CTDP1: variants seen among roughly 807,000 people sequenced by gnomAD.
CTDP1 encodes the protein RNA polymerase II subunit A C-terminal domain phosphatase.
A neutral mutation model predicts 91.8 loss-of-function variants in CTDP1; 47 were observed. The ratio of observed to expected loss-of-function variants is 0.51; its 90% CI spans 0.41 to 0.65. CTDP1 has a LOEUF of 0.65. Among genes scored for constraint, CTDP1 ranks in the 30% least tolerant of loss-of-function variants. The pLI, the probability that CTDP1 is intolerant of heterozygous loss-of-function variation, is 0.00. For missense variants in CTDP1, 1,272 were observed against 1,373.7 expected, an observed-to-expected ratio of 0.93 and a Z score of 1.17; for synonymous variants, 656 against 598.5, an observed-to-expected ratio of 1.10 and a Z score of -1.40.
chr18:79,717,542 G>T lies in CTDP1; in HGVS notation c.2076G>T (p.Glu692Asp), dbSNP rs1261974465. ...CAGCCGGGTCTCCTGCAGGCACAGAGAAGGTGCTGCAGGCACAGGAGTGCG... is the reference window on the plus strand; with the variant it reads ...CAGCCGGGTCTCCTGCAGGCACAGATAAGGTGCTGCAGGCACAGGAGTGCG... Reference protein sequence around the residue: ...THLIAARAGTEKVLQAQECGH... With the variant: ...THLIAARAGTDKVLQAQECGH... Residue 692 changes from glutamate to aspartate, a missense_variant, in exon 9 of 13, where the codon GAG becomes GAT. Coordinates refer to ENST00000613122, the MANE Select transcript of CTDP1 (RefSeq NM_004715.5). The T allele has an allele frequency of 1.9e-6, 3 of 1,613,236 alleles. No individual in the cohort carries two copies. Among genetic ancestry groups the T allele is most frequent in the Non-Finnish European group, 2.5e-6 (3 of 1,179,886 alleles).
chr18:79,691,344 G>A (rs1179188067), intron 1 of CTDP1, among the ~76,000 whole-genome samples: 4 of 152,210 alleles, frequency 2.6e-5, no homozygotes, highest in Non-Finnish European at 5.9e-5. Context: ...GACCTGTGCT[G>A]GGGAAGGCAG....
In CTDP1 at chr18:79,742,203, AGAG is replaced by A. The variant is rs528648588; in HGVS notation, c.2747+5683_2747+5685del. On this transcript the variant is annotated intron_variant, in intron 12 of 12. Transcript: ENST00000613122. ...GCATGAGAGAGAGAGAGAGAGAGAGAGAGAGGCCTGGCACCAGAGGAAGCGTGA... is the reference window on the plus strand; with the variant it reads ...GCATGAGAGAGAGAGAGAGAGAGAGAAGGCCTGGCACCAGAGGAAGCGTGA... Among the ~76,000 whole-genome samples, 266 of 145,024 alleles carry A rather than the reference AGAG, an allele frequency of 1.8e-3. 5 individuals are homozygous for A. Among genetic ancestry groups the A allele is most frequent in the African/African-American group, 6.5e-3 (249 of 38,282 alleles).
At position 79,708,702 on chromosome 18, in the gene CTDP1, G is replaced by A. The variant is rs904785378; in HGVS notation, c.773-1644G>A. 4.6e-5 allele frequency among the ~76,000 whole-genome samples: 7 copies of A among 152,362 alleles called. No individual in the cohort carries two copies. The South Asian group carries it at 1.0e-3, about 23-fold the overall frequency. On this transcript the variant is annotated intron_variant, in intron 5 of 12. Transcript: ENST00000613122. Reference sequence around the variant, plus strand: ...ACTAACGGTTATGCAGGGGACCTGCGTGCCATGACAAGACCACAGTCCCAG... The same window carrying A: ...ACTAACGGTTATGCAGGGGACCTGCATGCCATGACAAGACCACAGTCCCAG...
chr18:79,737,034 T>C (rs2086684266), intron 12 of CTDP1, among the ~76,000 whole-genome samples: 2 of 152,212 alleles, frequency 1.3e-5, no homozygotes, highest in South Asian at 4.1e-4. Flanking sequence ...GTGCCTGATG[T>C]GGGTCCCCCG....
At chr18:79,729,439 G>C (rs768761827) in intron 11 of CTDP1, among the ~76,000 whole-genome samples, 6 of 152,194 alleles carry the variant, frequency 3.9e-5, no homozygotes, top group Non-Finnish European at 8.8e-5. Context: ...GGGTGACCCT[G>C]GGGCCGGTCA....
Position 79,753,669 on chromosome 18 carries a change from T to C in CTDP1, c.2765T>C (p.Leu922Pro). 6.2e-7 allele frequency: 1 copy of C among 1,614,154 alleles called. No homozygotes were observed. Among genetic ancestry groups the C allele is most frequent in the East Asian group, 2.2e-5 (1 of 44,888 alleles). The change falls in exon 13 of 13, where the codon CTG becomes CCG. Residue 922 changes from leucine to proline, a missense_variant. Leu to Pro is a moderately conservative substitution (Grantham distance 98). Transcript: ENST00000613122. ...CTCTGCAGAGGCCACAAGAGGAAGC[T>C]GAATGAAGAGGACGCCGCCAGCGAG... The part of the protein sequence containing the change: ...GRGPRGHKRK[L>P]NEEDAASESS...
downstream of CTDP1, chr18:79,755,115 A>G (rs1452779369): frequency 6.6e-6 from 1 of 152,270 alleles, no homozygotes; most frequent in Admixed American, 6.6e-5. Flanking sequence ...GGAGGGAGGC[A>G]TCCTCAGTGG....
chr18:79,753,555 T>TA (rs1458365588), intron 12 of CTDP1, 97 bp from the exon 13 acceptor site: 8 of 1,592,868 alleles, frequency 5.0e-6, no homozygotes, highest in Non-Finnish European at 6.9e-6. Context: ...CGTCTTGTGT[T>TA]AAAACCACGG....
chr18:79,694,018 C>G (rs1460082560), intron 1 of CTDP1, among the ~76,000 whole-genome samples: 1 of 152,242 alleles, frequency 6.6e-6, no homozygotes, highest in Non-Finnish European at 1.5e-5. Context: ...TCCTTGCGCC[C>G]TCTCGATGAC....
intron 4 of CTDP1, chr18:79,702,700 ATTAAG>A (rs1445493025): frequency 6.6e-6 from 1 of 152,242 alleles, no homozygotes; most frequent in African/African-American, 2.4e-5. Context: ...GTATTTTTAA[ATTAAG>A]TTAGGTACAT....
Position 79,738,124 on chromosome 18 carries a change from T to C in CTDP1, c.2747+1603T>C, listed in dbSNP as rs137888882. Among the ~76,000 whole-genome samples the C allele has an allele frequency of 9.5e-3, 1,439 of 152,074 alleles. 30 individuals carry two copies. The highest frequency in any genetic ancestry group is 0.033 in the African/African-American group (1,360 of 41,464). On this transcript the variant is annotated intron_variant, in intron 12 of 12. Coordinates refer to ENST00000613122, the MANE Select transcript of CTDP1 (RefSeq NM_004715.5). ...TGGTGGAGTACATCTCCCAGAAGCT[T>C]CCTGAGAAAGCGTCTGTCCTGTCCA...
Position 79,704,720 on chromosome 18 carries a change from G to A in CTDP1, c.622-47G>A, listed in dbSNP as rs1050332131. ...GGCACACAGGTTGCGGGGGCGGCCG[G>A]GGCTCCTCAGGCCTTTTCTCCCGAC... On this transcript the variant is annotated intron_variant, in intron 4 of 12. Coordinates refer to ENST00000613122, the MANE Select transcript of CTDP1 (RefSeq NM_004715.5). The A allele has an allele frequency of 1.6e-5, 25 of 1,610,058 alleles. No individual in the cohort carries two copies. The African/African-American group carries it at 3.2e-4, about 21-fold the overall frequency.
chr18:79,714,962 G>T lies in CTDP1; in HGVS notation c.1502G>T (p.Ser501Ile). ...PEGAGALAQG[S>I]SLEPGRPAAP... ...GGAGCCGGGGCGCTGGCACAGGGCA[G>T]TTCCCTGGAGCCGGGGCGGCCTGCA... is the stretch of plus-strand genomic sequence containing the variant. The change falls in exon 8 of 13, where the codon AGT becomes ATT. Residue 501 changes from serine (S) to isoleucine (I), a missense_variant. Ser to Ile is a moderately radical substitution (Grantham distance 142). Coordinates refer to ENST00000613122, the MANE Select transcript of CTDP1 (RefSeq NM_004715.5). 1 of 1,567,594 alleles carries T rather than the reference G, an allele frequency of 6.4e-7. No individual in the cohort carries two copies. Among genetic ancestry groups the T allele is most frequent in the Non-Finnish European group, 8.6e-7 (1 of 1,156,920 alleles).
Position 79,728,931 on chromosome 18 carries a change from G to C in CTDP1, c.2442G>C (p.Gln814His), listed in dbSNP as rs760454995. ...GAGCGGTTCCGCCACCCCAGCCGCA[G>C]ATGTTTGGTGAAGAGCTGCCTGACG... Reference protein sequence around the residue: ...SFRAVPPPQPQMFGEELPDAQ... With the variant: ...SFRAVPPPQPHMFGEELPDAQ... Residue 814 changes from glutamine to histidine, a missense_variant, in exon 11 of 13, where the codon CAG becomes CAC. Coordinates refer to ENST00000613122, the MANE Select transcript of CTDP1 (RefSeq NM_004715.5). 3.6e-5 allele frequency: 58 copies of C among 1,614,078 alleles called. No homozygotes were observed. Among genetic ancestry groups the C allele is most frequent in the Non-Finnish European group, 4.4e-5 (52 of 1,180,036 alleles).
chr18:79,703,554 T>C (rs548106966), intron 4 of CTDP1: 11 of 152,390 alleles, frequency 7.2e-5, no homozygotes, highest in African/African-American at 2.6e-4. Context: ...CCATGCGTTA[T>C]ACCAGGTTAC....
intron 12 of CTDP1, among the ~76,000 whole-genome samples, chr18:79,751,179 T>G (rs946745513): frequency 4.5e-4 from 4 of 8,812 alleles, no homozygotes; most frequent in African/African-American, 4.7e-4. Context: ...AGGGCAGGCT[T>G]GGGAGGGAGG....
intron 5 of CTDP1, among the ~76,000 whole-genome samples, chr18:79,709,996 G>A (rs528037092): frequency 6.6e-6 from 1 of 152,334 alleles, no homozygotes; most frequent in South Asian, 2.1e-4. Flanking sequence ...CACATGCAGA[G>A]TGTTTTGAGA....
In CTDP1 at chr18:79,715,025, A is replaced by G. The variant is rs2086173026; in HGVS notation, c.1565A>G (p.His522Arg). 3 of 1,602,858 alleles carry G rather than the reference A, an allele frequency of 1.9e-6. No individual in the cohort carries two copies. Among genetic ancestry groups the G allele is most frequent in the Non-Finnish European group, 2.6e-6 (3 of 1,175,754 alleles). The change falls in exon 8 of 13, where the codon CAT becomes CGT. Residue 522 changes from histidine to arginine, a missense_variant. This residue lies in a region of CTDP1 where 881 missense variants were observed against 911.6 expected (regional missense o/e 0.97). Transcript: ENST00000613122. Reference protein sequence around the residue: ...SLPGEAEPGAHAPDKEPELGG... With the variant: ...SLPGEAEPGARAPDKEPELGG... The stretch of plus-strand genomic sequence containing the variant: ...CCCGGAGAGGCCGAGCCTGGCGCGC[A>G]TGCCCCGGACAAGGAGCCTGAGCTG...
intron 10 of CTDP1, among the ~76,000 whole-genome samples, chr18:79,723,364 AGT>A (rs1317046921): frequency 1.3e-5 from 2 of 152,106 alleles, no homozygotes; most frequent in African/African-American, 4.8e-5. Context: ...CCCTCCTGAG[AGT>A]GGTGGTTCCT....
Sources: allele counts gnomAD v4.1 joint callset (sites outside exome capture counted in the v4.1 genomes callset), GRCh38; gene constraint gnomAD v4.1.1; regional missense constraint gnomAD v4.1.1; transcripts MANE v1.5; gene names NCBI Gene and HGNC (gene_info 2026-07-23, HGNC 2026-07-21).